The following SMAD2 variants were observed in gnomAD, a reference collection of about 807,000 sequenced individuals.
SMAD2 encodes MAD homolog 2.
SMAD2 carries 8 observed loss-of-function variants against 64.4 expected under a neutral mutation model. That is an observed-to-expected ratio of 0.12 (90% CI 0.07 to 0.22). The LOEUF (loss-of-function observed/expected upper bound fraction) is 0.22, where lower values mean the gene tolerates loss of function less well. Among genes scored for constraint, SMAD2 ranks in the 10% least tolerant of loss-of-function variants. SMAD2 has a pLI of 1.00. For synonymous variants in SMAD2, 203 were observed against 195.8 expected, an observed-to-expected ratio of 1.04 and a Z score of -0.31; for missense variants, 289 against 561.2, an observed-to-expected ratio of 0.51 and a Z score of 4.90.
At chr18:47,851,452 T>C (rs2030065100) in intron 6 of SMAD2, 125 bp from the exon 7 acceptor site, 1 of 544,594 alleles carries the variant, frequency 1.8e-6, no homozygotes, top group African/African-American at 2.0e-5. Context: ...ATACCAAGAA[T>C]TCAGAATATG....
At chr18:47,889,750 G>A (rs2033099187) in intron 2 of SMAD2, among the ~76,000 whole-genome samples, 1 of 148,822 alleles carries the variant, frequency 6.7e-6, no homozygotes, top group Non-Finnish European at 1.5e-5. Context: ...CAGCCTGGGT[G>A]ACAGAGCGAG....
chr18:47,904,839 A>C (rs2033839760), intron 1 of SMAD2, among the ~76,000 whole-genome samples: 1 of 152,230 alleles, frequency 6.6e-6, no homozygotes, highest in South Asian at 2.1e-4. Flanking sequence ...TCTATAATTT[A>C]AAACTCCCAG....
rs1262856062 is a variant in SMAD2 at position 47,827,398 on chromosome 18, AT to A, written c.*14428del. The A allele has an allele frequency of 6.6e-6, 1 of 152,340 alleles. No homozygotes were observed. Among genetic ancestry groups the A allele is most frequent in the East Asian group, 1.9e-4 (1 of 5,188 alleles). 9.4% of individuals were successfully genotyped at this position (152,340 alleles called of 1,614,324 possible). A position where few individuals can be genotyped will look rare whatever the true frequency, so the allele number is the denominator to read the frequency against. ...CTCTCTCCAGCCAATCACTATGTAA[AT>A]TGTGAATTAAGACATTATTACTTGG... is the stretch of plus-strand genomic sequence containing the variant. On this transcript the variant is annotated 3_prime_UTR_variant, in exon 11 of 11. Transcript: ENST00000262160.
chr18:47,839,263 A>G lies in SMAD2; in HGVS notation c.*2564T>C, dbSNP rs143195207. ...CAGCATAGTAGGCACTGCTTGACCT[A>G]ACACAGTAATGCAAGAGTAACCACC... On this transcript the variant is annotated 3_prime_UTR_variant, in exon 11 of 11. Coordinates refer to ENST00000262160, the MANE Select transcript of SMAD2 (RefSeq NM_005901.6). The G allele has an allele frequency of 2.2e-4, 52 of 233,376 alleles. No individual in the cohort carries two copies. In the East Asian group the frequency reaches 3.1e-3, roughly 14 times the overall value. 14.5% of individuals were successfully genotyped at this position (233,376 alleles called of 1,614,324 possible). A position where few individuals can be genotyped will look rare whatever the true frequency, so the allele number is the denominator to read the frequency against.
chr18:47,844,182 T>C (rs942304290), intron 10 of SMAD2, among the ~76,000 whole-genome samples: 5 of 152,154 alleles, frequency 3.3e-5, no homozygotes, highest in African/African-American at 1.2e-4. Flanking sequence ...AAGTCTTCAT[T>C]CTCTGATACA....
At chr18:47,877,056 A>G (rs1291425289) in intron 2 of SMAD2, among the ~76,000 whole-genome samples, 14 of 152,082 alleles carry the variant, frequency 9.2e-5, no homozygotes, top group Admixed American at 9.2e-4. Flanking sequence ...TTCCTACCAT[A>G]TCTGCAAGAT....
rs1232199093 is a variant in SMAD2 at position 47,820,137 on chromosome 18, C to T, written c.*21690G>A. The T allele has an allele frequency of 6.6e-6, 1 of 151,952 alleles. No individual in the cohort carries two copies. Among genetic ancestry groups the T allele is most frequent in the African/African-American group, 2.4e-5 (1 of 41,370 alleles). 9.4% of individuals were successfully genotyped at this position (151,952 alleles called of 1,614,324 possible). On this transcript the variant is annotated 3_prime_UTR_variant, in exon 11 of 11. Coordinates refer to ENST00000262160, the MANE Select transcript of SMAD2 (RefSeq NM_005901.6). Reference sequence around the variant, plus strand: ...ATTTCCAAAAAAAAACAATAAACTGCTGAAAATATTAGTTTGTTCTTGGCT... The same window carrying T: ...ATTTCCAAAAAAAAACAATAAACTGTTGAAAATATTAGTTTGTTCTTGGCT...
At chr18:47,857,498 T>A (rs2030814509) in intron 6 of SMAD2, among the ~76,000 whole-genome samples, 1 of 152,204 alleles carries the variant, frequency 6.6e-6, no homozygotes, top group Non-Finnish European at 1.5e-5. Flanking sequence ...TGTAGAAGAT[T>A]GGGGAAAACC....
chr18:47,858,874 A>T (rs2030938587), intron 6 of SMAD2, among the ~76,000 whole-genome samples: 1 of 152,158 alleles, frequency 6.6e-6, no homozygotes, highest in Admixed American at 6.5e-5. Flanking sequence ...GAGAGAACAA[A>T]TAGACAAACA....
chr18:47,920,976 G>A lies in SMAD2; in HGVS notation c.-54+9385C>T, dbSNP rs190683063. ...TCAAGACAAATCTAGGCAACATGGCGAAACCCCACCTCTACAAAAAATTTT... is the reference window on the plus strand; with the variant it reads ...TCAAGACAAATCTAGGCAACATGGCAAAACCCCACCTCTACAAAAAATTTT... On this transcript the variant is annotated intron_variant, in intron 1 of 10. Coordinates refer to ENST00000262160, the MANE Select transcript of SMAD2 (RefSeq NM_005901.6). Among the ~76,000 whole-genome samples, 46 of 152,262 alleles carry A rather than the reference G, an allele frequency of 3.0e-4. 1 individual carries two copies. The highest frequency in any genetic ancestry group is 3.4e-3 in the Middle Eastern group (1 of 294).
chr18:47,850,895 C>G (rs1374347662), intron 7 of SMAD2, among the ~76,000 whole-genome samples: 2 of 87,918 alleles, frequency 2.3e-5, no homozygotes, highest in African/African-American at 8.7e-5. Flanking sequence ...AATCCCCATA[C>G]TACGTATACA....
At chr18:47,857,773 C>T (rs8084338) in intron 6 of SMAD2, among the ~76,000 whole-genome samples, 6 of 152,128 alleles carry the variant, frequency 3.9e-5, no homozygotes, top group African/African-American at 9.7e-5. Context: ...CGACAGGAAT[C>T]GAAGAAGCTG....
chr18:47,853,773 C>A (rs917208882), intron 6 of SMAD2, among the ~76,000 whole-genome samples: 20 of 151,576 alleles, frequency 1.3e-4, no homozygotes, highest in African/African-American at 4.6e-4. Flanking sequence ...AATCTGCTGG[C>A]AAGTCACAAA....
rs1170639212 is a variant in SMAD2, at chr18:47,837,309, TC to T, written c.*4517del. ...TGGGCGCGGTGGCTCATGCCTGTAA[TC>T]CCAGCACTTTGGGAAGCCGAGGTGG... On this transcript the variant is annotated 3_prime_UTR_variant, in exon 11 of 11. Coordinates refer to ENST00000262160, the MANE Select transcript of SMAD2 (RefSeq NM_005901.6). 1 of 191,800 alleles carries T rather than the reference TC, an allele frequency of 5.2e-6. No individual in the cohort carries two copies. The highest frequency in any genetic ancestry group is 1.1e-5 in the Non-Finnish European group (1 of 91,920). 11.9% of individuals were successfully genotyped at this position (191,800 alleles called of 1,614,324 possible).
At chr18:47,892,743 GAAAC>G (rs2033257140) in intron 2 of SMAD2, among the ~76,000 whole-genome samples, 1 of 152,086 alleles carries the variant, frequency 6.6e-6, no homozygotes, top group African/African-American at 2.4e-5. Context: ...AAATGATACT[GAAAC>G]AAACATCAGG....
At chr18:47,899,896 A>G (rs964216694) in intron 1 of SMAD2, among the ~76,000 whole-genome samples, 1 of 152,190 alleles carries the variant, frequency 6.6e-6, no homozygotes, top group African/African-American at 2.4e-5. Flanking sequence ...ATGACTTAAT[A>G]TCCTTTAAGA....
At chr18:47,863,877 A>G (rs1792674) in intron 6 of SMAD2, among the ~76,000 whole-genome samples, 67,329 of 151,954 alleles carry the variant, frequency 0.44, 15,906 homozygotes, top group East Asian at 0.62. Flanking sequence ...GTGTTGAACC[A>G]TTTAACATTC....
chr18:47,911,497 G>A (rs1288397378), intron 1 of SMAD2, among the ~76,000 whole-genome samples: 1 of 152,168 alleles, frequency 6.6e-6, no homozygotes, highest in Non-Finnish European at 1.5e-5. Context: ...AACACAGCAT[G>A]CCAAATTTCA....
In SMAD2 at chr18:47,830,088, AAT is replaced by A. The variant is rs1173838154; in HGVS notation, c.*11737_*11738del. ...ATCTCTATAAAATTCAATTCCTTAG[AAT>A]ATGTGTTTGTGATTGACGATGTACA... On this transcript the variant is annotated 3_prime_UTR_variant, in exon 11 of 11. Coordinates refer to ENST00000262160, the MANE Select transcript of SMAD2 (RefSeq NM_005901.6). The A allele has an allele frequency of 2.6e-5, 4 of 152,336 alleles. No individual in the cohort carries two copies. The highest frequency in any genetic ancestry group is 4.8e-5 in the African/African-American group (2 of 41,582). 9.4% of individuals were successfully genotyped at this position (152,336 alleles called of 1,614,324 possible). A position where few individuals can be genotyped will look rare whatever the true frequency, so the allele number is the denominator to read the frequency against.
Sources: gnomAD v4.1 joint callset for allele counts (sites outside exome capture counted in the v4.1 genomes callset) on GRCh38, gnomAD v4.1.1 for gene constraint, MANE v1.5 for transcripts, NCBI Gene and HGNC (gene_info 2026-07-23, HGNC 2026-07-21) for gene names.